The following AFG2A variants were observed in gnomAD, a reference collection of about 807,000 sequenced individuals.
AFG2A encodes the protein ATPase family gene 2 protein homolog A.
the AFG2A span, among the ~76,000 whole-genome samples, chr4:123,166,284 A>T: frequency 6.6e-6 from 1 of 152,108 alleles, no homozygotes; most frequent in Non-Finnish European, 1.5e-5. Context: ...AGGAAGAAAA[A>T]CGTGAAAAGG....
chr4:122,982,864 CTTTTTTTTTTTTT>C, the AFG2A span, among the ~76,000 whole-genome samples: 3 of 93,766 alleles, frequency 3.2e-5, no homozygotes, highest in Non-Finnish European at 5.7e-5. Flanking sequence ...TAATCTTCTT[CTTTTTTTTTTTTT>C]TTTTTTTTGA....
the AFG2A span, among the ~76,000 whole-genome samples, chr4:123,227,822 C>G: frequency 1.3e-5 from 2 of 152,116 alleles, no homozygotes; most frequent in Admixed American, 6.5e-5. Context: ...GTTAAAGTCT[C>G]CCATTATTAT....
At chr4:123,159,906 C>G in the AFG2A span, among the ~76,000 whole-genome samples, 1 of 152,090 alleles carries the variant, frequency 6.6e-6, no homozygotes, top group Non-Finnish European at 1.5e-5. Flanking sequence ...AGCATTTCAG[C>G]TTTATTTTTT....
chr4:123,135,215 A>G, the AFG2A span, among the ~76,000 whole-genome samples: 1 of 84,936 alleles, frequency 1.2e-5, no homozygotes, highest in Non-Finnish European at 3.2e-5. Context: ...GCATCCTGTC[A>G]TGATTAAAAA....
At chr4:123,007,608 G>GTGTGTGTATA in the AFG2A span, among the ~76,000 whole-genome samples, 91 of 18,128 alleles carry the variant, frequency 5.0e-3, no homozygotes, top group African/African-American at 0.014. Flanking sequence ...GTGTGTGTGT[G>GTGTGTGTATA]TATATATATA....
At chr4:123,317,865 G>T in the AFG2A span, 2 of 152,150 alleles carry the variant, frequency 1.3e-5, no homozygotes, top group Admixed American at 1.3e-4. Context: ...GTTTATGGGG[G>T]CATATATAGT....
At chr4:123,227,976 T>C in the AFG2A span, among the ~76,000 whole-genome samples, 1 of 152,184 alleles carries the variant, frequency 6.6e-6, no homozygotes, top group Non-Finnish European at 1.5e-5. Context: ...TGGCCTTCTT[T>C]GTCTCTTTTG....
the AFG2A span, among the ~76,000 whole-genome samples, chr4:123,214,997 C>T: frequency 3.3e-5 from 5 of 151,994 alleles, no homozygotes; most frequent in East Asian, 1.9e-4. Context: ...GGGTTTGGCA[C>T]CTCTAGCCCC....
chr4:123,263,350 T>C, the AFG2A span, among the ~76,000 whole-genome samples: 10 of 152,208 alleles, frequency 6.6e-5, no homozygotes, highest in Non-Finnish European at 1.3e-4. Flanking sequence ...CTGGGCACCC[T>C]TTTGTAGATA....
chr4:123,000,764 T>G, the AFG2A span, among the ~76,000 whole-genome samples: 3 of 81,960 alleles, frequency 3.7e-5, no homozygotes, highest in African/African-American at 9.5e-5. Context: ...TCTAAAATTC[T>G]CTTTTTTGGT....
chr4:123,224,371 C>T, the AFG2A span, among the ~76,000 whole-genome samples: 1 of 152,100 alleles, frequency 6.6e-6, no homozygotes, highest in South Asian at 2.1e-4. Context: ...TCCCCCCATC[C>T]CACAACAGGC....
chr4:123,253,747 G>A, the AFG2A span, among the ~76,000 whole-genome samples: 1 of 152,126 alleles, frequency 6.6e-6, no homozygotes, highest in Admixed American at 6.5e-5. Context: ...CAATAATTGG[G>A]TTGTTATGAT....
chr4:123,226,757 G>A, the AFG2A span, among the ~76,000 whole-genome samples: 5 of 152,024 alleles, frequency 3.3e-5, no homozygotes, highest in East Asian at 9.6e-4. Flanking sequence ...CTCTCTTCCT[G>A]TTGATTGGAA....
At chr4:123,224,858 C>G in the AFG2A span, among the ~76,000 whole-genome samples, 1 of 151,868 alleles carries the variant, frequency 6.6e-6, no homozygotes, top group African/African-American at 2.4e-5. Flanking sequence ...TTCTCCACAT[C>G]CTCTCCAGCA....
chr4:123,069,638 T>TA, the AFG2A span, among the ~76,000 whole-genome samples: 1 of 152,204 alleles, frequency 6.6e-6, no homozygotes, highest in African/African-American at 2.4e-5. Flanking sequence ...AGTATGTTGT[T>TA]AAAAATATTT....
the AFG2A span, among the ~76,000 whole-genome samples, chr4:123,229,799 T>C: frequency 6.6e-6 from 1 of 151,894 alleles, no homozygotes; most frequent in Non-Finnish European, 1.5e-5. Flanking sequence ...AGTAGGCAGT[T>C]TGACACACTG....
chr4:123,006,843 T>G, the AFG2A span, among the ~76,000 whole-genome samples: 2 of 152,090 alleles, frequency 1.3e-5, no homozygotes, highest in Non-Finnish European at 2.9e-5. Flanking sequence ...TTCAATTTAT[T>G]GGTTTTTCTC....
At chr4:123,223,214 C>A in the AFG2A span, among the ~76,000 whole-genome samples, 2 of 152,108 alleles carry the variant, frequency 1.3e-5, no homozygotes, top group Non-Finnish European at 2.9e-5. Flanking sequence ...CCTTTTATTT[C>A]TTTGATTATA....
the AFG2A span, among the ~76,000 whole-genome samples, chr4:123,295,676 A>T: frequency 2.6e-5 from 4 of 152,260 alleles, no homozygotes; most frequent in African/African-American, 4.8e-5. Context: ...AGAAACAGAA[A>T]GTTCTAGGAC....
Sources: allele counts gnomAD v4.1 joint callset (sites outside exome capture counted in the v4.1 genomes callset), GRCh38; gene constraint gnomAD v4.1.1; transcripts MANE v1.5; gene names NCBI Gene and HGNC (gene_info 2026-07-23, HGNC 2026-07-21).